The following FAP variants were observed in gnomAD, a reference collection of about 807,000 sequenced individuals.
The protein encoded by FAP is fibroblast activation protein alpha, also known as prolyl endopeptidase FAP.
In FAP, 110 loss-of-function variants were observed where a neutral mutation model predicts 126.5. That is an observed-to-expected ratio of 0.87 (90% CI 0.74 to 1.02). The LOEUF (loss-of-function observed/expected upper bound fraction) is 1.02. Among genes scored for constraint, FAP ranks in the 50% least tolerant of loss-of-function variants. The pLI is 0.00. For missense variants in FAP, 919 were observed against 909.2 expected, an observed-to-expected ratio of 1.01 and a Z score of -0.14; for synonymous variants, 334 against 297.3, an observed-to-expected ratio of 1.12 and a Z score of -1.27.
chr2:162,206,071 A>G lies in FAP; in HGVS notation c.1048-2926T>C, dbSNP rs528709327. Among the ~76,000 whole-genome samples the G allele has an allele frequency of 5.9e-5, 9 of 152,360 alleles. No homozygotes were observed. The South Asian group carries it at 1.5e-3, about 25-fold the overall frequency. On this transcript the variant is annotated intron_variant, in intron 12 of 25. Transcript: ENST00000188790. Reference sequence around the variant, plus strand: ...AGATATTAGAATCAGGCAAACAGGAAGAATATTTCTGATAAGCAAAGACTG... The same window carrying G: ...AGATATTAGAATCAGGCAAACAGGAGGAATATTTCTGATAAGCAAAGACTG...
At chr2:162,218,887 T>C (rs1399169746) in intron 8 of FAP, among the ~76,000 whole-genome samples, 176 bp downstream of exon 8, 1 of 152,104 alleles carries the variant, frequency 6.6e-6, no homozygotes, top group Non-Finnish European at 1.5e-5. Context: ...AGTTTTCTGA[T>C]AACAAGAATT....
intron 2 of FAP, among the ~76,000 whole-genome samples, chr2:162,237,850 C>A (rs1690200629): frequency 6.6e-6 from 1 of 152,164 alleles, no homozygotes; most frequent in Non-Finnish European, 1.5e-5. Context: ...CACATCCTCT[C>A]CAGCATCTGT....
chr2:162,198,758 G>C lies in FAP; in HGVS notation c.1401C>G (p.Tyr467Ter), dbSNP rs376503598. Residue 467 changes from tyrosine (Y) to a stop codon, truncating the protein, a stop_gained and splice_region_variant, in exon 16 of 26, where the codon TAC (tyrosine) becomes TAG (stop). Coordinates refer to ENST00000188790, the MANE Select transcript of FAP (RefSeq NM_004460.5). LOFTEE classifies it high-confidence loss of function. The part of the protein sequence containing the change: ...DYAKYYALVC[Y>*]GPGIPISTLH... ...GCTTATGTGAGGTCCGTTACCTACC[G>C]TAGCAGACAAGTGCATAGTACTTGG... 14 of 1,613,902 alleles carry C rather than the reference G, an allele frequency of 8.7e-6. No individual in the cohort carries two copies. The highest frequency in any genetic ancestry group is 1.2e-5 in the Non-Finnish European group (14 of 1,179,918).
Position 162,183,448 on chromosome 2 carries a change from A to T in FAP, c.1835T>A (p.Phe612Tyr), listed in dbSNP as rs199927577. 8.7e-6 allele frequency: 14 copies of T among 1,610,386 alleles called. No individual in the cohort carries two copies. In the East Asian group the frequency reaches 2.7e-4, roughly 31 times the overall value. The change falls in exon 21 of 26, where the codon TTC becomes TAC. Residue 612 changes from phenylalanine to tyrosine, a missense_variant. Physicochemically the swap from Phe to Tyr is conservative, Grantham distance 22. Coordinates refer to ENST00000188790, the MANE Select transcript of FAP (RefSeq NM_004460.5). ...TAVRKFIEMG[F>Y]IDEKRIAIWG... ...TATGGCTATTCTTTTTTCATCAATG[A>T]AACCCATTTCTATGAATTTTCTAAA...
chr2:162,171,210 A>G, intron 25 of FAP, 130 bp from the exon 26 acceptor site: 1 of 621,436 alleles, frequency 1.6e-6, no homozygotes, highest in South Asian at 2.0e-5. Flanking sequence ...ACACTCAAAT[A>G]AGTAAAATAG....
intron 22 of FAP, among the ~76,000 whole-genome samples, chr2:162,174,559 T>C (rs1428809558): frequency 6.6e-6 from 1 of 152,174 alleles, no homozygotes; most frequent in African/African-American, 2.4e-5. Flanking sequence ...CCAATTATGC[T>C]GTAGCTGTGT....
intron 12 of FAP, among the ~76,000 whole-genome samples, chr2:162,208,252 C>CT (rs967002346): frequency 2.0e-5 from 3 of 146,346 alleles, no homozygotes; most frequent in East Asian, 2.1e-4. Context: ...GAGATTCCGT[C>CT]TTAAAAAAAA....
At chr2:162,237,404 G>A (rs1690183180) in intron 2 of FAP, among the ~76,000 whole-genome samples, 1 of 151,764 alleles carries the variant, frequency 6.6e-6, no homozygotes, top group African/African-American at 2.4e-5. Flanking sequence ...TGTGTGTGAT[G>A]TTCCCCTCTC....
chr2:162,172,968 A>G, intron 24 of FAP, 84 bp from the exon 25 acceptor site: 3 of 1,182,312 alleles, frequency 2.5e-6, no homozygotes, highest in Non-Finnish European at 3.8e-6. Flanking sequence ...AATGAACACC[A>G]ACAATTATCT....
In FAP at chr2:162,202,917, C is replaced by T; in HGVS notation, c.1178G>A (p.Gly393Asp). The T allele has an allele frequency of 6.2e-7, 1 of 1,613,678 alleles. No homozygotes were observed. Among genetic ancestry groups the T allele is most frequent in the South Asian group, 1.1e-5 (1 of 91,070 alleles). The change falls in exon 14 of 26, where the codon GGC becomes GAC. Residue 393 changes from glycine (G) to aspartate (D), a missense_variant. Physicochemically the swap from Gly to Asp is moderately conservative, Grantham distance 94. Coordinates refer to ENST00000188790, the MANE Select transcript of FAP (RefSeq NM_004460.5). ...TVENAIQITSGKWEAINIFRV... is the reference protein window; with the variant it reads ...TVENAIQITSDKWEAINIFRV... ...GAATATATTTATGGCCTCCCACTTG[C>T]CACTTGTAATTTGAATAGCATTTTC... is the stretch of plus-strand genomic sequence containing the variant.
intron 16 of FAP, among the ~76,000 whole-genome samples, chr2:162,196,518 CTTTTT>C (rs3051148): frequency 2.3e-5 from 3 of 127,708 alleles, no homozygotes; most frequent in Non-Finnish European, 3.4e-5. Context: ...ACTTGCATAT[CTTTTT>C]TTTTTTTTTT....
At chr2:162,173,364 A>C in intron 23 of FAP, 143 bp from the exon 24 acceptor site, 1 of 662,342 alleles carries the variant, frequency 1.5e-6, no homozygotes, top group Non-Finnish European at 2.7e-6. Context: ...AGAGCAACAC[A>C]TTTTCATCAT....
chr2:162,174,905 C>A lies in FAP; in HGVS notation c.1931G>T (p.Gly644Val). The change falls in exon 22 of 26, where the codon GGT (glycine) becomes GTT (valine). Residue 644 changes from glycine (G) to valine (V), a missense_variant. Coordinates refer to ENST00000188790, the MANE Select transcript of FAP (RefSeq NM_004460.5). ...GCTGGAGACTGGAGCCACTGCTATA[C>A]CACATTTGAAAAGACCAGTTCCAGA... ...LASGTGLFKCGIAVAPVSSWE... is the reference protein window; with the variant it reads ...LASGTGLFKCVIAVAPVSSWE... 2.5e-6 allele frequency: 4 copies of A among 1,612,754 alleles called. No homozygotes were observed. The highest frequency in any genetic ancestry group is 3.4e-6 in the Non-Finnish European group (4 of 1,179,114).
chr2:162,188,158 A>G lies in FAP; in HGVS notation c.1814+11T>C. Reference sequence around the variant, plus strand: ...GCATGTTGACATCTGCTTGAATGAGAAGGTGCTCACCTGACAGCTGTAATC... The same window carrying G: ...GCATGTTGACATCTGCTTGAATGAGGAGGTGCTCACCTGACAGCTGTAATC... On this transcript the variant is annotated intron_variant, in intron 20 of 25. Coordinates refer to ENST00000188790, the MANE Select transcript of FAP (RefSeq NM_004460.5). 6.2e-7 allele frequency: 1 copy of G among 1,606,586 alleles called. No individual in the cohort carries two copies. Among genetic ancestry groups the G allele is most frequent in the Non-Finnish European group, 8.5e-7 (1 of 1,174,166 alleles).
chr2:162,191,286 T>A (rs966790258), intron 17 of FAP, among the ~76,000 whole-genome samples: 40 of 152,254 alleles, frequency 2.6e-4, no homozygotes, highest in African/African-American at 9.4e-4. Flanking sequence ...CATGACTTAA[T>A]GAAATGCAAA....
chr2:162,173,216 T>A lies in FAP; in HGVS notation c.2040A>T (p.Ser680=). The A allele has an allele frequency of 1.2e-6, 2 of 1,612,576 alleles. No homozygotes were observed. The highest frequency in any genetic ancestry group is 1.1e-5 in the South Asian group (1 of 91,036). Residue 680 remains serine (S), a synonymous_variant, in exon 24 of 26, where the codon TCA becomes TCT. Coordinates refer to ENST00000188790, the MANE Select transcript of FAP (RefSeq NM_004460.5). ...AATATTCTGCTCTTGCCATCACAGT[T>A]GAATTCTGGAAAAGAGAAAAAAATT... The part of the protein sequence containing the change: ...KDDNLEHYKN[S]TVMARAEYFR...
In FAP at chr2:162,224,556, G is replaced by A. The variant is rs201821507; in HGVS notation, c.286-16C>T. 3.8e-4 allele frequency: 584 copies of A among 1,518,708 alleles called. No individual in the cohort carries two copies. Among genetic ancestry groups the A allele is most frequent in the Non-Finnish European group, 4.8e-4 (534 of 1,111,820 alleles). 94.1% of individuals were successfully genotyped at this position (1,518,708 alleles called of 1,614,324 possible). A position where few individuals can be genotyped will look rare whatever the true frequency, so the allele number is the denominator to read the frequency against. On this transcript the variant is annotated splice_polypyrimidine_tract_variant and intron_variant, in intron 4 of 25. Coordinates refer to ENST00000188790, the MANE Select transcript of FAP (RefSeq NM_004460.5). Reference sequence around the variant, plus strand: ...TCACACTTTTCTGAAATTATGAAGAGGTTGATTAGAATACAGAAAAGATAA... The same window carrying A: ...TCACACTTTTCTGAAATTATGAAGAAGTTGATTAGAATACAGAAAAGATAA...
intron 20 of FAP, 55 bp from the exon 21 acceptor site, chr2:162,183,523 C>G (rs1310991276): frequency 2.1e-6 from 2 of 964,212 alleles, no homozygotes; most frequent in Non-Finnish European, 3.3e-6. Context: ...ATGACATTTA[C>G]TTCATTACAC....
At chr2:162,194,565 A>G (rs533438327) in intron 17 of FAP, 136 bp downstream of exon 17, 4 of 724,414 alleles carry the variant, frequency 5.5e-6, no homozygotes, top group South Asian at 5.1e-5. Context: ...CTGTGCAATA[A>G]TAAGTGATGT....
Sources: allele counts gnomAD v4.1 joint callset (sites outside exome capture counted in the v4.1 genomes callset), GRCh38; gene constraint gnomAD v4.1.1; transcripts MANE v1.5; gene names NCBI Gene and HGNC (gene_info 2026-07-23, HGNC 2026-07-21).